The following SLC25A53 variants were observed in gnomAD, a reference collection of about 807,000 sequenced individuals.
SLC25A53 encodes the protein solute carrier family 25 member 53.
In SLC25A53, 5 loss-of-function variants were observed where a neutral mutation model predicts 15.0. The observed-to-expected ratio is 0.33, with a 90% CI of 0.17 to 0.70. The LOEUF (loss-of-function observed/expected upper bound fraction) is 0.70, where lower values mean the gene tolerates loss of function less well. SLC25A53 is among the 30% of genes least tolerant of loss of function. The pLI is 0.67. For missense variants in SLC25A53, 216 were observed against 241.6 expected, an observed-to-expected ratio of 0.89 and a Z score of 0.70; for synonymous variants, 95 against 100.0, an observed-to-expected ratio of 0.95 and a Z score of 0.30.
At chrX:104,137,550 C>T (rs1371462905) in intron 1 of SLC25A53, among the ~76,000 whole-genome samples, 1 of 111,343 alleles carries the variant, frequency 9.0e-6, no homozygotes, top group Non-Finnish European at 1.9e-5. Flanking sequence ...ATAAAGCCAA[C>T]GAGCCATTTG....
chrX:104,118,154 A>G (rs1389160883), intron 1 of SLC25A53, among the ~76,000 whole-genome samples: 2 of 112,656 alleles, frequency 1.8e-5, no homozygotes, highest in Non-Finnish European at 3.8e-5. Flanking sequence ...AAGTGAAAGA[A>G]GGCTTTTAAA....
At chrX:104,142,345 A>G (rs1556367724) in intron 1 of SLC25A53, among the ~76,000 whole-genome samples, 1 of 112,326 alleles carries the variant, frequency 8.9e-6, no homozygotes, top group Non-Finnish European at 1.9e-5. Context: ...GACAGAGATG[A>G]GCAAATGTCT....
intron 1 of SLC25A53, among the ~76,000 whole-genome samples, chrX:104,123,540 TG>T (rs2075401149): frequency 1.1e-5 from 1 of 94,366 alleles, no homozygotes; most frequent in African/African-American, 3.7e-5. Flanking sequence ...TTTGCTGATT[TG>T]TTTATTTTTT....
At chrX:104,117,608 G>A (rs1022407969) in intron 1 of SLC25A53, among the ~76,000 whole-genome samples, 22 of 110,155 alleles carry the variant, frequency 2.0e-4, no homozygotes, top group African/African-American at 7.3e-4. Flanking sequence ...CACCACCCAC[G>A]CAGGAGGCAG....
At chrX:104,154,143 A>G (rs1441841439) in intron 1 of SLC25A53, among the ~76,000 whole-genome samples, 1 of 112,620 alleles carries the variant, frequency 8.9e-6, no homozygotes, top group Non-Finnish European at 1.9e-5. Context: ...ATGACTAAGT[A>G]GCAAAAAGAC....
intron 1 of SLC25A53, among the ~76,000 whole-genome samples, chrX:104,147,958 C>A (rs2075473211): frequency 8.9e-6 from 1 of 111,782 alleles, no homozygotes; most frequent in Non-Finnish European, 1.9e-5. Context: ...TGGGTATACA[C>A]CCAAAGGACT....
At position 104,125,259 on chromosome X, in the gene SLC25A53, ATTC is replaced by A. The variant is rs2075407597; in HGVS notation, c.-31-19974_-31-19972del. Reference sequence around the variant, plus strand: ...CTTTTACACAAACACAAACATATCTATTCTTGTTCTTTTTCTATAAAAGTTGGG... The same window carrying A: ...CTTTTACACAAACACAAACATATCTATTGTTCTTTTTCTATAAAAGTTGGG... On this transcript the variant is annotated intron_variant, in intron 1 of 1. Coordinates refer to ENST00000594199, the MANE Select transcript of SLC25A53 (RefSeq NM_001012755.5). Among the ~76,000 whole-genome samples the A allele has an allele frequency of 3.6e-5, 4 of 111,135 alleles. No individual in the cohort carries two copies. In the Admixed American group the frequency reaches 3.8e-4, roughly 11 times the overall value.
rs1556352052 is a variant in SLC25A53, at chrX:104,100,515, C to T, written c.*3819G>A. On this transcript the variant is annotated 3_prime_UTR_variant, in exon 2 of 2. Coordinates refer to ENST00000594199, the MANE Select transcript of SLC25A53 (RefSeq NM_001012755.5). The stretch of plus-strand genomic sequence containing the variant: ...AAAATTACTTGAAAACGACTATGCC[C>T]TTAAATTTTGCTCACAACTTTTAAG... 9.0e-6 allele frequency: 1 copy of T among 111,588 alleles called. No homozygotes were observed. The highest frequency in any genetic ancestry group is 3.3e-5 in the African/African-American group (1 of 30,724). 9.2% of individuals were successfully genotyped at this position (111,588 alleles called of 1,213,427 possible).
chrX:104,141,795 C>T, intron 1 of SLC25A53, among the ~76,000 whole-genome samples: 2 of 111,075 alleles, frequency 1.8e-5, no homozygotes, highest in Middle Eastern at 4.6e-3. Context: ...ACCATGTTGC[C>T]CAGGCTGGTC....
intron 1 of SLC25A53, chrX:104,113,342 C>G (rs1297375072): frequency 9.0e-6 from 1 of 110,954 alleles, no homozygotes; most frequent in Non-Finnish European, 1.9e-5. Context: ...AGGGAATTTT[C>G]CGCCTGGCGA....
chrX:104,136,705 G>C (rs1222654406), intron 1 of SLC25A53, among the ~76,000 whole-genome samples: 1 of 112,344 alleles, frequency 8.9e-6, no homozygotes, highest in Non-Finnish European at 1.9e-5. Flanking sequence ...GCCTCGCTCA[G>C]TGAACTGTTT....
At position 104,103,382 on chromosome X, in the gene SLC25A53, G is replaced by T. The variant is rs558405167; in HGVS notation, c.*952C>A. The T allele has an allele frequency of 1.8e-5, 2 of 111,688 alleles. No individual in the cohort carries two copies. The highest frequency in any genetic ancestry group is 7.5e-4 in the South Asian group (2 of 2,660). The allele number at this position is 111,688 out of a possible 1,213,427, so 9.2% of individuals were successfully genotyped here. A position where few individuals can be genotyped will look rare whatever the true frequency, so the allele number is the denominator to read the frequency against. On this transcript the variant is annotated 3_prime_UTR_variant, in exon 2 of 2. Transcript: ENST00000594199. ...AATAGTTCATTATGGCTAGTGTTTGGGGTTTATGTAAGTGGAGTGACAATA... is the reference window on the plus strand; with the variant it reads ...AATAGTTCATTATGGCTAGTGTTTGTGGTTTATGTAAGTGGAGTGACAATA...
chrX:104,154,957 T>G (rs1483907833), intron 1 of SLC25A53, among the ~76,000 whole-genome samples: 5 of 112,235 alleles, frequency 4.5e-5, no homozygotes, highest in Non-Finnish European at 9.4e-5. Flanking sequence ...GATTTAATCA[T>G]TCTACATTGT....
chrX:104,134,139 G>A (rs1448986334), intron 1 of SLC25A53, among the ~76,000 whole-genome samples: 1 of 111,359 alleles, frequency 9.0e-6, no homozygotes, highest in African/African-American at 3.3e-5. Flanking sequence ...AGGATTCTGG[G>A]AAAAGAAACT....
Position 104,129,083 on chromosome X carries a change from G to C in SLC25A53, c.-31-23795C>G, listed in dbSNP as rs572328884. ...AAGGGTTTAACATTTTCCTGATCCT[G>C]GGTTAACATAACCATAAATTTCTTT... On this transcript the variant is annotated intron_variant, in intron 1 of 1. Coordinates refer to ENST00000594199, the MANE Select transcript of SLC25A53 (RefSeq NM_001012755.5). 2.3e-4 allele frequency among the ~76,000 whole-genome samples: 26 copies of C among 111,572 alleles called. No homozygotes were observed. The South Asian group carries it at 9.4e-3, about 40-fold the overall frequency.
At chrX:104,123,549 T>A (rs1304414309) in intron 1 of SLC25A53, among the ~76,000 whole-genome samples, 1 of 111,803 alleles carries the variant, frequency 8.9e-6, no homozygotes, top group African/African-American at 3.2e-5. Flanking sequence ...TTGTTTATTT[T>A]TTTTTTTTAC....
At chrX:104,108,363 C>G (rs1229522698) in intron 1 of SLC25A53, among the ~76,000 whole-genome samples, 1 of 111,320 alleles carries the variant, frequency 9.0e-6, no homozygotes, top group African/African-American at 3.3e-5. Flanking sequence ...GTTGAGAATC[C>G]ATAACATGGT....
At chrX:104,156,096 A>G (rs2147883814) in intron 1 of SLC25A53, among the ~76,000 whole-genome samples, 1 of 110,166 alleles carries the variant, frequency 9.1e-6, no homozygotes, top group Admixed American at 9.6e-5. Context: ...AAAAAAAAGA[A>G]ATACACTAAT....
intron 1 of SLC25A53, among the ~76,000 whole-genome samples, chrX:104,147,975 C>A (rs2075473288): frequency 8.9e-6 from 1 of 112,033 alleles, no homozygotes; most frequent in Non-Finnish European, 1.9e-5. Flanking sequence ...GACTATAAAT[C>A]ATGCTGCTAT....
Sources: allele counts gnomAD v4.1 joint callset (sites outside exome capture counted in the v4.1 genomes callset), GRCh38; gene constraint gnomAD v4.1.1; transcripts MANE v1.5; gene names NCBI Gene and HGNC (gene_info 2026-07-23, HGNC 2026-07-21).